The following LRGUK variants were observed in gnomAD, a reference collection of about 807,000 sequenced individuals.
LRGUK encodes leucine rich repeats and guanylate kinase domain containing.
LRGUK carries 65 observed loss-of-function variants against 76.0 expected under a neutral mutation model. The ratio of observed to expected loss-of-function variants is 0.85; its 90% CI spans 0.70 to 1.05. LRGUK has a LOEUF of 1.05. Ranked by LOEUF, LRGUK falls within the 50% of genes least tolerant of loss-of-function variation. The pLI is 0.00. For missense variants in LRGUK, 758 were observed against 732.8 expected, an observed-to-expected ratio of 1.03 and a Z score of -0.40; for synonymous variants, 268 against 265.6, an observed-to-expected ratio of 1.01 and a Z score of -0.09.
exon 16 of LRGUK, chr7:134,209,196 A>C (rs1563183910): frequency 2.5e-6 from 1 of 398,966 alleles, no homozygotes; most frequent in Non-Finnish European, 4.4e-6. Context: ...GAGTCAGGGG[A>C]GGCCCAGGTA....
intron 16 of LRGUK, among the ~76,000 whole-genome samples, chr7:134,246,090 G>A (rs1802294119): frequency 6.6e-6 from 1 of 152,138 alleles, no homozygotes; most frequent in South Asian, 2.1e-4. Flanking sequence ...CCACGTTAGC[G>A]CTCATGTGTC....
At chr7:134,223,553 G>C (rs1045861224) in intron 16 of LRGUK, among the ~76,000 whole-genome samples, 1 of 152,116 alleles carries the variant, frequency 6.6e-6, no homozygotes, top group Non-Finnish European at 1.5e-5. Context: ...ATCTCACCAG[G>C]ATTTCTGGGA....
At chr7:134,178,573 T>A (rs1165670397) in exon 10 of LRGUK, 1 of 1,613,314 alleles carries the variant, frequency 6.2e-7, no homozygotes, top group Admixed American at 1.7e-5. Context: ...ACCCATGTTG[T>A]CAACAGCGTG....
chr7:134,206,429 C>T (rs1307787067), intron 15 of LRGUK, among the ~76,000 whole-genome samples: 3 of 152,070 alleles, frequency 2.0e-5, no homozygotes, highest in Admixed American at 6.6e-5. Flanking sequence ...GCAGGAGAAT[C>T]GCTTGAACCA....
chr7:134,141,403 T>C (rs1452931048), intron 3 of LRGUK, among the ~76,000 whole-genome samples: 1 of 152,152 alleles, frequency 6.6e-6, no homozygotes, highest in Non-Finnish European at 1.5e-5. Context: ...CTGATGCTGC[T>C]GGTCCGGGAC....
At chr7:134,171,574 A>G (rs1193005521) in intron 7 of LRGUK, among the ~76,000 whole-genome samples, 2 of 152,026 alleles carry the variant, frequency 1.3e-5, no homozygotes, top group Non-Finnish European at 2.9e-5. Flanking sequence ...GTAAAAGAAG[A>G]AAAGAAGAGG....
rs868207927 is a variant in LRGUK, at chr7:134,150,211, C to G, written c.670+1892C>G. Among the ~76,000 whole-genome samples the G allele has an allele frequency of 3.3e-5, 5 of 151,540 alleles. No individual in the cohort carries two copies. In the South Asian group the frequency reaches 8.3e-4, roughly 25 times the overall value. ...AATGGCATGAACCCGGGAGGCAGAGCTTTCAGTGAGCCCAGATGGCGCCAC... is the reference window on the plus strand; with the variant it reads ...AATGGCATGAACCCGGGAGGCAGAGGTTTCAGTGAGCCCAGATGGCGCCAC... On this transcript the variant is annotated intron_variant, in intron 5 of 15. Coordinates refer to ENST00000645682, the Ensembl canonical transcript of LRGUK.
chr7:134,186,080 A>G (rs1799969939), intron 11 of LRGUK, among the ~76,000 whole-genome samples: 1 of 152,250 alleles, frequency 6.6e-6, no homozygotes, highest in East Asian at 1.9e-4. Context: ...TTAGCAAACC[A>G]AAGTGACCTA....
chr7:134,231,488 A>G (rs1204877935), intron 16 of LRGUK, among the ~76,000 whole-genome samples: 1 of 92,770 alleles, frequency 1.1e-5, no homozygotes, highest in Non-Finnish European at 2.2e-5. Flanking sequence ...TCCTCCCTCC[A>G]TTCCTTCCTT....
At position 134,232,185 on chromosome 7, in the gene LRGUK, T is replaced by C. The variant is rs566860727; in HGVS notation, c.1983+10267T>C. Among the ~76,000 whole-genome samples the C allele has an allele frequency of 2.6e-5, 4 of 152,298 alleles. No individual in the cohort carries two copies. The East Asian group carries it at 7.7e-4, about 29-fold the overall frequency. ...TAAGGTCAGTGTATCCCTAGCCCTCTTACTACTACCTTCTTTCTTTGAGTA... is the reference window on the plus strand; with the variant it reads ...TAAGGTCAGTGTATCCCTAGCCCTCCTACTACTACCTTCTTTCTTTGAGTA... On this transcript the variant is annotated intron_variant, in intron 16 of 19. Transcript: ENST00000285928.
chr7:134,221,861 A>G (rs1801605303), exon 16 of LRGUK: 1 of 1,602,284 alleles, frequency 6.2e-7, no homozygotes, highest in African/African-American at 1.4e-5. Flanking sequence ...TGCATTCTAC[A>G]GACAGAAACT....
chr7:134,232,820 C>T lies in LRGUK; in HGVS notation c.1983+10902C>T, dbSNP rs145761419. On this transcript the variant is annotated intron_variant, in intron 16 of 19. Transcript: ENST00000285928. The stretch of plus-strand genomic sequence containing the variant: ...AAAATATCCAATTTACTCATTTTCT[C>T]ATTCCTTGCTTATACAATTCTTTGT... Among the ~76,000 whole-genome samples, 41 of 152,178 alleles carry T rather than the reference C, an allele frequency of 2.7e-4. 1 individual carries two copies. Among genetic ancestry groups the T allele is most frequent in the African/African-American group, 8.4e-4 (35 of 41,536 alleles).
At chr7:134,190,264 T>C (rs1176390336) in intron 11 of LRGUK, among the ~76,000 whole-genome samples, 1 of 152,198 alleles carries the variant, frequency 6.6e-6, no homozygotes, top group Non-Finnish European at 1.5e-5. Context: ...TGGAATGCAA[T>C]GGGGCAATTA....
At chr7:134,253,176 G>A (rs1802489127) in intron 18 of LRGUK, among the ~76,000 whole-genome samples, 1 of 152,176 alleles carries the variant, frequency 6.6e-6, no homozygotes, top group South Asian at 2.1e-4. Context: ...CCACCTACTA[G>A]GTTCTGCAGC....
At chr7:134,189,883 G>T (rs1021152959) in intron 11 of LRGUK, among the ~76,000 whole-genome samples, 2 of 152,174 alleles carry the variant, frequency 1.3e-5, no homozygotes, top group African/African-American at 2.4e-5. Flanking sequence ...ATGATGTTAA[G>T]ACCTTAAAAT....
intron 10 of LRGUK, among the ~76,000 whole-genome samples, chr7:134,180,072 CCT>C (rs1221428764): frequency 6.6e-6 from 1 of 152,204 alleles, no homozygotes; most frequent in East Asian, 1.9e-4. Flanking sequence ...TAGCTTCTTA[CCT>C]TCTGATATGA....
chr7:134,185,118 T>C (rs957408639), intron 11 of LRGUK, among the ~76,000 whole-genome samples: 5 of 152,248 alleles, frequency 3.3e-5, no homozygotes, highest in African/African-American at 9.6e-5. Flanking sequence ...TCAAGTTTTC[T>C]GGAGCAAATA....
chr7:134,264,963 A>G (rs955243722), downstream of LRGUK, among the ~76,000 whole-genome samples: 3 of 152,148 alleles, frequency 2.0e-5, no homozygotes, highest in African/African-American at 7.2e-5. Flanking sequence ...CCCTGTGACA[A>G]ATTTGGTTGT....
At chr7:134,241,595 A>G (rs60740661) in intron 16 of LRGUK, among the ~76,000 whole-genome samples, 3,964 of 152,192 alleles carry the variant, frequency 0.026, 167 homozygotes, top group African/African-American at 0.086. Context: ...GACTCCCACA[A>G]AATAATAATG....
Sources: allele counts gnomAD v4.1 joint callset (sites outside exome capture counted in the v4.1 genomes callset), GRCh38; gene constraint gnomAD v4.1.1; transcripts MANE v1.5; gene names NCBI Gene and HGNC (gene_info 2026-07-23, HGNC 2026-07-21).